The following FRS2 variants were observed in gnomAD, a reference collection of about 807,000 sequenced individuals.
The protein encoded by FRS2 is fibroblast growth factor receptor substrate 2.
FRS2 carries 8 observed loss-of-function variants against 43.9 expected under a neutral mutation model. The ratio of observed to expected loss-of-function variants is 0.18; its 90% CI spans 0.11 to 0.33. The LOEUF is 0.33. FRS2 is among the 10% of genes least tolerant of loss of function. The pLI, the probability that FRS2 is intolerant of heterozygous loss-of-function variation, is 1.00. For synonymous variants in FRS2, 219 were observed against 220.3 expected, an observed-to-expected ratio of 0.99 and a Z score of 0.05; for missense variants, 534 against 627.6, an observed-to-expected ratio of 0.85 and a Z score of 1.59.
chr12:69,554,872 CTTTTTTT>C (rs747422811), intron 3 of FRS2, among the ~76,000 whole-genome samples: 16 of 133,334 alleles, frequency 1.2e-4, no homozygotes, highest in African/African-American at 4.1e-4. Context: ...GCCCAGCTAA[CTTTTTTT>C]TTTTTTTTTT....
intron 4 of FRS2, among the ~76,000 whole-genome samples, chr12:69,568,345 A>G (rs908804392): frequency 6.6e-6 from 1 of 152,224 alleles, no homozygotes; most frequent in Non-Finnish European, 1.5e-5. Flanking sequence ...ATGAGTAACA[A>G]CAGTCAAAAT....
chr12:69,480,880 G>A (rs1007972834), intron 1 of FRS2, among the ~76,000 whole-genome samples: 3 of 152,100 alleles, frequency 2.0e-5, no homozygotes, highest in Non-Finnish European at 4.4e-5. Flanking sequence ...TGCTTATGGT[G>A]CCACGCCTTC....
chr12:69,543,090 A>G (rs1878063136), intron 3 of FRS2, among the ~76,000 whole-genome samples: 1 of 152,224 alleles, frequency 6.6e-6, no homozygotes, highest in African/African-American at 2.4e-5. Flanking sequence ...TGATAACAAC[A>G]TGGTAGCATT....
intron 1 of FRS2, among the ~76,000 whole-genome samples, chr12:69,493,234 G>T (rs890709890): frequency 1.3e-5 from 2 of 152,182 alleles, no homozygotes. Context: ...CTTTGGGTAT[G>T]CTTGAGCTCA....
At chr12:69,497,739 A>C (rs977532579) in intron 1 of FRS2, among the ~76,000 whole-genome samples, 1 of 152,208 alleles carries the variant, frequency 6.6e-6, no homozygotes. Flanking sequence ...GGGAAAAGCA[A>C]GTGTAAAAGC....
chr12:69,486,321 T>G (rs1476147511), intron 1 of FRS2: 2 of 152,206 alleles, frequency 1.3e-5, no homozygotes, highest in African/African-American at 4.8e-5. Context: ...TATTTCAAAC[T>G]TTTTATCATT....
In FRS2 at chr12:69,579,187, G is replaced by A. The variant is rs572201225; in HGVS notation, c.*4232G>A. The A allele has an allele frequency of 7.9e-5, 12 of 152,714 alleles. No homozygotes were observed. The highest frequency in any genetic ancestry group is 2.9e-4 in the African/African-American group (12 of 41,548). The allele number at this position is 152,714 out of a possible 1,614,324, so 9.5% of individuals were successfully genotyped here. A position where few individuals can be genotyped will look rare whatever the true frequency, so the allele number is the denominator to read the frequency against. On this transcript the variant is annotated 3_prime_UTR_variant, in exon 9 of 9. Transcript: ENST00000549921. ...AAAATATAACTTTTACACTGAGGCC[G>A]AGTGTGGCTTTTTGGAGGAAGTGGG...
At position 69,571,452 on chromosome 12, in the gene FRS2, CT is replaced by C; in HGVS notation, c.412+21del. 6.3e-7 allele frequency: 1 copy of C among 1,594,828 alleles called. No individual in the cohort carries two copies. The highest frequency in any genetic ancestry group is 1.3e-5 in the African/African-American group (1 of 74,538). On this transcript the variant is annotated intron_variant, in intron 7 of 8. Coordinates refer to ENST00000549921, the MANE Select transcript of FRS2 (RefSeq NM_001278356.2). ...ACCTACAAGTAAGTACCCCTTTTCC[CT>C]TTCACATTTTGAATAACAGACGTTT...
rs1311149512 is a variant in FRS2, at chr12:69,477,855, C to G, written c.-261+7325C>G. ...TTCTGGGTTCACGCCATTCTCCTGC[C>G]TCAGCCTCCCGAATAGCTGGGACTA... On this transcript the variant is annotated intron_variant, in intron 1 of 8. Coordinates refer to ENST00000549921, the MANE Select transcript of FRS2 (RefSeq NM_001278356.2). Among the ~76,000 whole-genome samples, 4 of 151,596 alleles carry G rather than the reference C, an allele frequency of 2.6e-5. No individual in the cohort carries two copies. The South Asian group carries it at 8.3e-4, about 31-fold the overall frequency.
chr12:69,538,159 T>A (rs2135691366), intron 3 of FRS2, among the ~76,000 whole-genome samples: 1 of 139,028 alleles, frequency 7.2e-6, no homozygotes, highest in African/African-American at 2.8e-5. Flanking sequence ...TGTGCCAAAA[T>A]AGGAAAATGT....
At chr12:69,508,339 A>G (rs1362028740) in intron 1 of FRS2, among the ~76,000 whole-genome samples, 1 of 152,172 alleles carries the variant, frequency 6.6e-6, no homozygotes, top group African/African-American at 2.4e-5. Context: ...AAAATACGGC[A>G]TTTAAGGAGT....
At chr12:69,483,101 C>T (rs1466577219) in intron 1 of FRS2, among the ~76,000 whole-genome samples, 3 of 152,160 alleles carry the variant, frequency 2.0e-5, no homozygotes, top group African/African-American at 4.8e-5. Context: ...GTTTTCCCAA[C>T]GAAAACATCT....
intron 5 of FRS2, among the ~76,000 whole-genome samples, chr12:69,570,090 CCTTT>C (rs1483939228): frequency 2.0e-5 from 3 of 152,168 alleles, no homozygotes; most frequent in African/African-American, 4.8e-5. Context: ...CTGTTGCATT[CCTTT>C]GTCAATTAAT....
intron 1 of FRS2, among the ~76,000 whole-genome samples, chr12:69,506,120 G>T (rs981328089): frequency 2.6e-5 from 4 of 152,106 alleles, no homozygotes; most frequent in African/African-American, 9.7e-5. Context: ...ATTTGAGTTG[G>T]CTTGCAAGAC....
intron 1 of FRS2, among the ~76,000 whole-genome samples, chr12:69,499,822 A>T (rs369654350): frequency 2.6e-5 from 4 of 152,068 alleles, no homozygotes; most frequent in African/African-American, 9.6e-5. Flanking sequence ...CCAGAAGAAA[A>T]TGGTGTTGAA....
At chr12:69,557,633 C>CGCGT (rs978942261) in intron 3 of FRS2, among the ~76,000 whole-genome samples, 2 of 129,424 alleles carry the variant, frequency 1.5e-5, no homozygotes, top group Admixed American at 7.3e-5. Flanking sequence ...CGCGCGCGCG[C>CGCGT]GCGCAGGTGC....
chr12:69,565,691 G>A (rs1269116132), intron 4 of FRS2, among the ~76,000 whole-genome samples: 2 of 152,052 alleles, frequency 1.3e-5, no homozygotes, highest in African/African-American at 4.8e-5. Context: ...CCATATCACG[G>A]TCTTCTCCTC....
At position 69,572,246 on chromosome 12, in the gene FRS2, G is replaced by A. The variant is rs769696270; in HGVS notation, c.541G>A (p.Glu181Lys). Residue 181 changes from glutamate (E) to lysine (K), a missense_variant, in exon 8 of 9, where the codon GAA (glutamate) becomes AAA (lysine). By Grantham distance (56) the Glu-to-Lys change is moderately conservative. Coordinates refer to ENST00000549921, the MANE Select transcript of FRS2 (RefSeq NM_001278356.2). ...GSARLPSVGEESTHPLLVAEE... is the reference protein window; with the variant it reads ...GSARLPSVGEKSTHPLLVAEE... ...TGCTCGCCTGCCTTCAGTAGGGGAA[G>A]AATCTACACATCCTTTGCTTGTGGC... 6.2e-7 allele frequency: 1 copy of A among 1,612,024 alleles called. No individual in the cohort carries two copies. Among genetic ancestry groups the A allele is most frequent in the Admixed American group, 1.7e-5 (1 of 59,792 alleles).
chr12:69,568,279 ATTTTG>A (rs1356737378), intron 4 of FRS2, among the ~76,000 whole-genome samples: 8 of 152,152 alleles, frequency 5.3e-5, no homozygotes, highest in African/African-American at 1.7e-4. Context: ...TCGAAATTTG[ATTTTG>A]TTTTAATTAC....
Sources: gnomAD v4.1 joint callset for allele counts (sites outside exome capture counted in the v4.1 genomes callset) on GRCh38, gnomAD v4.1.1 for gene constraint, MANE v1.5 for transcripts, NCBI Gene and HGNC (gene_info 2026-07-23, HGNC 2026-07-21) for gene names.